The following CSTPP1 variants were observed in gnomAD, a reference collection of about 807,000 sequenced individuals.
The protein encoded by CSTPP1 is UPF0705 protein C11orf49.
At chr11:47,144,045 T>A in the CSTPP1 span, among the ~76,000 whole-genome samples, 1 of 152,274 alleles carries the variant, frequency 6.6e-6, no homozygotes, top group East Asian at 1.9e-4. Context: ...CTTGAGGATA[T>A]CTCTTAACTT....
chr11:47,012,107 T>TA, the CSTPP1 span, among the ~76,000 whole-genome samples: 494 of 140,940 alleles, frequency 3.5e-3, 3 homozygotes, highest in African/African-American at 8.4e-3. Context: ...GTACCTCGTT[T>TA]AAAAAAAAAA....
At chr11:47,122,226 C>A in the CSTPP1 span, among the ~76,000 whole-genome samples, 1 of 150,108 alleles carries the variant, frequency 6.7e-6, no homozygotes, top group Non-Finnish European at 1.5e-5. Flanking sequence ...GGGTTTATAA[C>A]CTTAGTATGC....
At chr11:46,991,421 A>G in the CSTPP1 span, 4 of 152,204 alleles carry the variant, frequency 2.6e-5, no homozygotes, top group African/African-American at 7.2e-5. Context: ...CCTTTCACCC[A>G]GTCTTCTAAA....
the CSTPP1 span, chr11:47,052,216 A>G: frequency 2.7e-6 from 2 of 751,626 alleles, no homozygotes; most frequent in East Asian, 6.3e-5. Context: ...AGGTATGGTT[A>G]TATGAAGAGA....
At chr11:46,990,973 T>C in the CSTPP1 span, among the ~76,000 whole-genome samples, 1 of 152,174 alleles carries the variant, frequency 6.6e-6, no homozygotes, top group Non-Finnish European at 1.5e-5. Flanking sequence ...TTCTGTACTT[T>C]CCATTGGTCT....
the CSTPP1 span, among the ~76,000 whole-genome samples, chr11:47,088,597 A>G: frequency 1.3e-5 from 2 of 152,176 alleles, no homozygotes; most frequent in South Asian, 2.1e-4. Context: ...CCCAGGCTGG[A>G]GTGCAATGGC....
At chr11:47,146,254 A>G in the CSTPP1 span, among the ~76,000 whole-genome samples, 1,088 of 151,634 alleles carry the variant, frequency 7.2e-3, 7 homozygotes, top group South Asian at 0.03. Flanking sequence ...AATTCCAGCT[A>G]CTTGGGAGGT....
chr11:46,980,332 C>A, the CSTPP1 span, among the ~76,000 whole-genome samples: 3 of 152,120 alleles, frequency 2.0e-5, no homozygotes, highest in African/African-American at 7.2e-5. Context: ...TTGCCTCTGG[C>A]GTGTCTTTTA....
chr11:47,074,503 AAAAAAAAAAAAAAAAAAACAG>A, the CSTPP1 span, among the ~76,000 whole-genome samples: 1 of 27,782 alleles, frequency 3.6e-5, no homozygotes, highest in African/African-American at 9.0e-5. Context: ...CTGTCTCAGA[AAAAAAAAAAAAAAAAAAACAG>A]AAAAAAAAAA....
chr11:47,113,725 T>A, the CSTPP1 span, among the ~76,000 whole-genome samples: 6 of 152,202 alleles, frequency 3.9e-5, no homozygotes, highest in Non-Finnish European at 8.8e-5. Context: ...TTGTTTGAGT[T>A]CTTTGTAGAT....
chr11:47,052,554 C>T, the CSTPP1 span: 1 of 1,603,046 alleles, frequency 6.2e-7, no homozygotes, highest in Admixed American at 1.7e-5. Flanking sequence ...TTCCTTCCTT[C>T]CTTCCTTCCT....
chr11:46,953,411 T>C, the CSTPP1 span, among the ~76,000 whole-genome samples: 1 of 149,596 alleles, frequency 6.7e-6, no homozygotes, highest in African/African-American at 2.5e-5. Flanking sequence ...AGAGGGAAGA[T>C]CCAAGGGAAG....
At chr11:47,024,202 GGT>G in the CSTPP1 span, among the ~76,000 whole-genome samples, 8 of 151,778 alleles carry the variant, frequency 5.3e-5, no homozygotes, top group Non-Finnish European at 8.8e-5. Flanking sequence ...TGAGACCACA[GGT>G]GTGTGCCATC....
the CSTPP1 span, among the ~76,000 whole-genome samples, chr11:47,150,136 C>T: frequency 2.0e-5 from 3 of 152,036 alleles, no homozygotes; most frequent in Non-Finnish European, 2.9e-5. Context: ...CCCTCTTCTC[C>T]AGGACTCTAG....
chr11:47,108,704 C>CTT, the CSTPP1 span, among the ~76,000 whole-genome samples: 3,296 of 118,300 alleles, frequency 0.028, 160 homozygotes, highest in African/African-American at 0.046. Flanking sequence ...GTACTATCTA[C>CTT]TTTTTTTTTT....
the CSTPP1 span, among the ~76,000 whole-genome samples, chr11:46,998,621 G>GT: frequency 1.3e-5 from 2 of 152,160 alleles, no homozygotes; most frequent in Non-Finnish European, 2.9e-5. Context: ...GGGAAATAGT[G>GT]TAAGTATAAT....
the CSTPP1 span, chr11:47,155,281 A>T: frequency 6.3e-7 from 1 of 1,598,612 alleles, no homozygotes; most frequent in Non-Finnish European, 8.6e-7. Context: ...CCGGGGCTCC[A>T]TCTGGCTCCG....
chr11:47,110,160 C>T, the CSTPP1 span, among the ~76,000 whole-genome samples: 936 of 152,270 alleles, frequency 6.1e-3, 6 homozygotes, highest in African/African-American at 0.02. Flanking sequence ...ACTTTTTATT[C>T]TCTGTCTCCC....
At chr11:47,131,071 C>T in the CSTPP1 span, among the ~76,000 whole-genome samples, 1 of 152,164 alleles carries the variant, frequency 6.6e-6, no homozygotes, top group Admixed American at 6.5e-5. Flanking sequence ...TATAGGCACT[C>T]ACACAAATGA....
Sources: gnomAD v4.1 joint callset for allele counts (sites outside exome capture counted in the v4.1 genomes callset) on GRCh38, gnomAD v4.1.1 for gene constraint, MANE v1.5 for transcripts, NCBI Gene and HGNC (gene_info 2026-07-23, HGNC 2026-07-21) for gene names.